The following SOX5 variants were observed in gnomAD, a reference collection of about 807,000 sequenced individuals.
SOX5 encodes the protein transcription factor SOX-5.
SOX5 carries 9 observed loss-of-function variants against 92.0 expected under a neutral mutation model. The observed-to-expected ratio is 0.10, with a 90% CI of 0.06 to 0.17. SOX5 has a LOEUF of 0.17. SOX5 is among the 10% of genes least tolerant of loss of function. The probability of loss-of-function intolerance (pLI) is 1.00; values close to 1 mark genes in which losing one functional copy is unlikely to be tolerated. For missense variants in SOX5, 642 were observed against 944.5 expected (o/e 0.68, Z 4.20); for synonymous variants, 344 against 336.3 (o/e 1.02, Z -0.25).
intron 4 of SOX5, among the ~76,000 whole-genome samples, chr12:24,202,206 C>G (rs4246223): frequency 0.52 from 78,486 of 152,046 alleles, 20,860 homozygotes; most frequent in Non-Finnish European, 0.59. Flanking sequence ...GTGTAACATA[C>G]CTATCACTCT....
intron 3 of SOX5, among the ~76,000 whole-genome samples, chr12:24,262,908 T>G (rs552743872): frequency 2.6e-5 from 4 of 152,146 alleles, no homozygotes; most frequent in Non-Finnish European, 5.9e-5. Context: ...ATACATACAT[T>G]GCCTCCAAAA....
At chr12:23,600,559 A>ATATATATATATATATATAT (rs1555191178) in intron 9 of SOX5, among the ~76,000 whole-genome samples, 1 of 140,620 alleles carries the variant, frequency 7.1e-6, no homozygotes. Context: ...ATATACACAT[A>ATATATATATATATATATAT]CTTGGCTTGG....
chr12:23,874,349 T>G (rs1420970561), intron 2 of SOX5, among the ~76,000 whole-genome samples: 3 of 152,184 alleles, frequency 2.0e-5, no homozygotes, highest in Non-Finnish European at 4.4e-5. Flanking sequence ...CCTTGGGTAG[T>G]TACTGCTGAT....
chr12:24,554,728 A>G (rs546720336), intron 1 of SOX5, among the ~76,000 whole-genome samples: 68 of 152,284 alleles, frequency 4.5e-4, no homozygotes, highest in Non-Finnish European at 1.3e-4. Flanking sequence ...TGCATACACA[A>G]AAGTATTGCT....
chr12:23,695,356 T>C (rs2089628130), intron 6 of SOX5, among the ~76,000 whole-genome samples: 2 of 152,162 alleles, frequency 1.3e-5, no homozygotes, highest in African/African-American at 4.8e-5. Context: ...AGTACAATGA[T>C]GAATAAAAAT....
intron 3 of SOX5, among the ~76,000 whole-genome samples, chr12:24,254,384 TA>T (rs111692850): frequency 1.2e-4 from 17 of 143,434 alleles, no homozygotes; most frequent in Admixed American, 2.1e-4. Context: ...TTGTAAGTTG[TA>T]AAAAAAAAAG....
chr12:23,843,300 G>A (rs2096538992), intron 3 of SOX5, among the ~76,000 whole-genome samples: 1 of 152,010 alleles, frequency 6.6e-6, no homozygotes, highest in Non-Finnish European at 1.5e-5. Context: ...GAAAACTAAA[G>A]AAGTTTAAAT....
chr12:24,021,525 A>T (rs1448944492), intron 4 of SOX5, among the ~76,000 whole-genome samples: 1 of 152,156 alleles, frequency 6.6e-6, no homozygotes, highest in Non-Finnish European at 1.5e-5. Context: ...CCATCACAAC[A>T]TCGTCTTGTA....
At chr12:24,230,207 A>G (rs528905512) in intron 3 of SOX5, among the ~76,000 whole-genome samples, 1 of 152,224 alleles carries the variant, frequency 6.6e-6, no homozygotes, top group South Asian at 2.1e-4. Context: ...AACACTGGAG[A>G]CGTCCTAAAA....
At chr12:23,770,279 C>T (rs1033500741) in intron 3 of SOX5, among the ~76,000 whole-genome samples, 3 of 151,960 alleles carry the variant, frequency 2.0e-5, no homozygotes, top group Non-Finnish European at 2.9e-5. Context: ...AGGCTCACCC[C>T]CATTACCCCA....
At chr12:23,885,503 T>C (rs1000610832) in intron 2 of SOX5, among the ~76,000 whole-genome samples, 1 of 152,160 alleles carries the variant, frequency 6.6e-6, no homozygotes, top group African/African-American at 2.4e-5. Context: ...TAAACACTGC[T>C]CCTCTATATA....
chr12:24,014,771 G>A (rs1411652429), intron 4 of SOX5, among the ~76,000 whole-genome samples: 1 of 152,134 alleles, frequency 6.6e-6, no homozygotes, highest in African/African-American at 2.4e-5. Flanking sequence ...TGATTATTTA[G>A]TATGAAATTT....
At chr12:24,390,205 T>G (rs967666842) in intron 1 of SOX5, among the ~76,000 whole-genome samples, 3 of 152,160 alleles carry the variant, frequency 2.0e-5, no homozygotes, top group African/African-American at 7.2e-5. Flanking sequence ...GTCCTTCCAA[T>G]TATTTTACAC....
At chr12:24,296,563 T>A (rs116168366) in intron 2 of SOX5, among the ~76,000 whole-genome samples, 3 of 152,200 alleles carry the variant, frequency 2.0e-5, no homozygotes, top group Admixed American at 6.5e-5. Flanking sequence ...ATATTTATAC[T>A]GTAAAACTCA....
At chr12:23,831,622 T>TAA (rs2096323257) in intron 3 of SOX5, among the ~76,000 whole-genome samples, 1 of 152,072 alleles carries the variant, frequency 6.6e-6, no homozygotes, top group Non-Finnish European at 1.5e-5. Flanking sequence ...ACTCTTTTTT[T>TAA]AAAGTCCATA....
chr12:24,427,868 G>T (rs1378912153), intron 1 of SOX5, among the ~76,000 whole-genome samples: 1 of 152,022 alleles, frequency 6.6e-6, no homozygotes, highest in Non-Finnish European at 1.5e-5. Context: ...AAAACATCAG[G>T]GGGCAAATTA....
intron 1 of SOX5, among the ~76,000 whole-genome samples, chr12:24,529,689 G>T (rs1951003326): frequency 6.6e-6 from 1 of 152,128 alleles, no homozygotes; most frequent in Non-Finnish European, 1.5e-5. Context: ...TTTTTTTCAA[G>T]AGTTATCGCT....
chr12:23,866,659 ACCT>A (rs1047033452), intron 2 of SOX5, among the ~76,000 whole-genome samples: 31 of 152,048 alleles, frequency 2.0e-4, no homozygotes, highest in Non-Finnish European at 3.8e-4. Flanking sequence ...GTTTTTAATA[ACCT>A]CCTCAATACA....
chr12:24,192,454 A>G (rs777489083), intron 4 of SOX5, among the ~76,000 whole-genome samples: 74 of 152,322 alleles, frequency 4.9e-4, no homozygotes, highest in Non-Finnish European at 9.6e-4. Context: ...TTCGAAAGTA[A>G]TTCATCAAAT....
Sources: gnomAD v4.1 joint callset for allele counts (sites outside exome capture counted in the v4.1 genomes callset) on GRCh38, gnomAD v4.1.1 for gene constraint, MANE v1.5 for transcripts, NCBI Gene and HGNC (gene_info 2026-07-23, HGNC 2026-07-21) for gene names.